The following CRPPA variants were observed in gnomAD, a reference collection of about 807,000 sequenced individuals.
CRPPA encodes D-ribitol-5-phosphate cytidylyltransferase.
A neutral mutation model predicts 52.0 loss-of-function variants in CRPPA; 43 were observed. The observed-to-expected ratio is 0.83, with a 90% CI of 0.65 to 1.07. The LOEUF (loss-of-function observed/expected upper bound fraction) is 1.07. Ranked by LOEUF, CRPPA falls within the 50% of genes least tolerant of loss-of-function variation. The pLI, the probability that CRPPA is intolerant of heterozygous loss-of-function variation, is 0.00. For missense variants in CRPPA, 629 were observed against 551.7 expected (o/e 1.14, Z -1.40); for synonymous variants, 250 against 203.5 (o/e 1.23, Z -1.94).
chr7:16,112,248 G>A (rs1211767163), intron 9 of CRPPA, among the ~76,000 whole-genome samples: 28 of 152,068 alleles, frequency 1.8e-4, no homozygotes. Context: ...CTGGGAGGCA[G>A]AGGTTGCAGT....
chr7:16,374,513 T>G (rs1786829848), intron 3 of CRPPA, among the ~76,000 whole-genome samples: 1 of 152,232 alleles, frequency 6.6e-6, no homozygotes, highest in African/African-American at 2.4e-5. Context: ...CTATTAGTTC[T>G]GTTCCTCTGG....
At chr7:16,347,187 AC>A (rs1786034978) in intron 3 of CRPPA, among the ~76,000 whole-genome samples, 1 of 152,108 alleles carries the variant, frequency 6.6e-6, no homozygotes, top group Non-Finnish European at 1.5e-5. Flanking sequence ...TAAGATTGAC[AC>A]CTTAAATAGA....
chr7:16,113,677 C>T (rs1221900690), intron 9 of CRPPA, among the ~76,000 whole-genome samples: 1 of 150,094 alleles, frequency 6.7e-6, no homozygotes, highest in Non-Finnish European at 1.5e-5. Context: ...AAAAACTACA[C>T]CCCCCTCAAC....
chr7:16,361,570 G>A (rs56406025), intron 3 of CRPPA, among the ~76,000 whole-genome samples: 59,252 of 151,998 alleles, frequency 0.39, 11,818 homozygotes, highest in East Asian at 0.46. Flanking sequence ...CAACACAGAT[G>A]AACCTTAAAG....
At chr7:16,163,813 T>A (rs1293420961) in intron 9 of CRPPA, among the ~76,000 whole-genome samples, 1 of 152,178 alleles carries the variant, frequency 6.6e-6, no homozygotes, top group Non-Finnish European at 1.5e-5. Flanking sequence ...GGGTTGAAAA[T>A]TATTTTCTTT....
intron 2 of CRPPA, among the ~76,000 whole-genome samples, chr7:16,387,068 TATATATATATATATATATACACAC>T (rs1375899206): frequency 2.9e-5 from 2 of 68,754 alleles, no homozygotes; most frequent in African/African-American, 1.5e-4. Flanking sequence ...TATATATATA[TATATATATATATATATATACACAC>T]ATATATATAT....
At chr7:16,142,839 G>A (rs1028626526) in intron 9 of CRPPA, among the ~76,000 whole-genome samples, 8 of 152,136 alleles carry the variant, frequency 5.3e-5, no homozygotes, top group Admixed American at 2.6e-4. Context: ...GAATCTCAAT[G>A]CTAGTTCACC....
intron 9 of CRPPA, among the ~76,000 whole-genome samples, chr7:16,149,652 T>TA (rs1262171427): frequency 3.3e-5 from 5 of 152,202 alleles, no homozygotes; most frequent in African/African-American, 1.2e-4. Context: ...AGTTGATTCA[T>TA]AAAAATTACA....
intron 9 of CRPPA, among the ~76,000 whole-genome samples, chr7:16,128,894 A>G (rs1445204699): frequency 6.6e-6 from 1 of 152,210 alleles, no homozygotes; most frequent in Non-Finnish European, 1.5e-5. Flanking sequence ...AATGATCCCA[A>G]TAACAGAAAA....
chr7:16,337,652 A>C (rs568455082), intron 3 of CRPPA, among the ~76,000 whole-genome samples: 4 of 152,254 alleles, frequency 2.6e-5, no homozygotes, highest in Admixed American at 6.5e-5. Flanking sequence ...AAAAACCAAG[A>C]CTACTCAAAT....
intron 8 of CRPPA, among the ~76,000 whole-genome samples, chr7:16,232,465 T>C (rs1782826836): frequency 6.6e-6 from 1 of 152,190 alleles, no homozygotes; most frequent in Non-Finnish European, 1.5e-5. Context: ...CACTAAGGGA[T>C]GATCTTCACC....
chr7:16,280,803 T>A (rs574742405), intron 5 of CRPPA, among the ~76,000 whole-genome samples: 9 of 152,226 alleles, frequency 5.9e-5, no homozygotes, highest in African/African-American at 2.2e-4. Context: ...GAAGATCACT[T>A]GAGGTCAGGA....
chr7:16,353,904 T>G (rs1786225794), intron 3 of CRPPA, among the ~76,000 whole-genome samples: 1 of 152,044 alleles, frequency 6.6e-6, no homozygotes, highest in Non-Finnish European at 1.5e-5. Flanking sequence ...ATAATTCAGG[T>G]GATGGGTATA....
chr7:16,375,091 A>G (rs942382608), intron 3 of CRPPA, among the ~76,000 whole-genome samples: 29 of 152,316 alleles, frequency 1.9e-4, no homozygotes, highest in African/African-American at 6.7e-4. Context: ...TGAAGAGGAA[A>G]AGTTATCTAT....
intron 2 of CRPPA, among the ~76,000 whole-genome samples, chr7:16,380,844 T>C (rs893523838): frequency 2.0e-5 from 3 of 152,186 alleles, no homozygotes; most frequent in African/African-American, 7.2e-5. Context: ...ATATCCCCTT[T>C]ATCATTTTTC....
rs1781816174 is a variant in CRPPA at position 16,090,573 on chromosome 7, A to AAT, written c.*1121_*1122insAT. ...ACAAAAAAAAAAAAAAAAAAAAAAAATTAGCCAGGTGTGGTGGCAGGTGCC... is the reference window on the plus strand; with the variant it reads ...ACAAAAAAAAAAAAAAAAAAAAAAAAATTTAGCCAGGTGTGGTGGCAGGTGCC... On this transcript the variant is annotated 3_prime_UTR_variant, in exon 10 of 10. Coordinates refer to ENST00000407010, the MANE Select transcript of CRPPA (RefSeq NM_001101426.4). 1.3e-5 allele frequency: 2 copies of AAT among 150,302 alleles called. No homozygotes were observed. Among genetic ancestry groups the AAT allele is most frequent in the Non-Finnish European group, 2.9e-5 (2 of 67,992 alleles). 9.3% of individuals were successfully genotyped at this position (150,302 alleles called of 1,614,324 possible).
At chr7:16,232,832 C>A (rs994744767) in intron 8 of CRPPA, among the ~76,000 whole-genome samples, 1 of 152,088 alleles carries the variant, frequency 6.6e-6, no homozygotes, top group African/African-American at 2.4e-5. Flanking sequence ...AAATACCAAA[C>A]CTTTTAAAAA....
chr7:16,147,201 C>A (rs996768115), intron 9 of CRPPA, among the ~76,000 whole-genome samples: 3 of 152,118 alleles, frequency 2.0e-5, no homozygotes, highest in Admixed American at 2.0e-4. Context: ...TCCATTAAAC[C>A]TCTTTCCTTT....
At chr7:16,303,280 G>A (rs941574392) in intron 4 of CRPPA, among the ~76,000 whole-genome samples, 2 of 151,956 alleles carry the variant, frequency 1.3e-5, no homozygotes, top group South Asian at 4.1e-4. Flanking sequence ...TAAAGGAATA[G>A]CAGAGGAATC....
Sources: gnomAD v4.1 joint callset for allele counts (sites outside exome capture counted in the v4.1 genomes callset) on GRCh38, gnomAD v4.1.1 for gene constraint, MANE v1.5 for transcripts, NCBI Gene and HGNC (gene_info 2026-07-23, HGNC 2026-07-21) for gene names.